The following ANKRD45 variants were observed in gnomAD, a reference collection of about 807,000 sequenced individuals.
The protein encoded by ANKRD45 is ankyrin repeat domain-containing protein 45.
A neutral mutation model predicts 28.1 loss-of-function variants in ANKRD45; 21 were observed. That is an observed-to-expected ratio of 0.75 (90% CI 0.53 to 1.08). ANKRD45 has a LOEUF of 1.08. ANKRD45 is among the 50% of genes least tolerant of loss of function. The probability of loss-of-function intolerance (pLI) is 0.00; values close to 1 mark genes in which losing one functional copy is unlikely to be tolerated. For synonymous variants in ANKRD45, 86 were observed against 103.9 expected (o/e 0.83, Z 1.05); for missense variants, 261 against 308.7 (o/e 0.85, Z 1.16).
chr1:173,686,915 G>C, the ANKRD45 span, among the ~76,000 whole-genome samples: 17 of 152,254 alleles, frequency 1.1e-4, no homozygotes, highest in African/African-American at 3.6e-4. Flanking sequence ...CTGACCAGAA[G>C]GTAAGATTTT....
At chr1:173,639,663 C>T (rs1239526736) in intron 3 of ANKRD45, among the ~76,000 whole-genome samples, 2 of 152,188 alleles carry the variant, frequency 1.3e-5, no homozygotes, top group Non-Finnish European at 2.9e-5. Flanking sequence ...AAAGAAATCA[C>T]CTCCAAGGGG....
chr1:173,617,053 G>C (rs1178464868), intron 5 of ANKRD45, among the ~76,000 whole-genome samples: 2 of 152,050 alleles, frequency 1.3e-5, no homozygotes, highest in African/African-American at 4.8e-5. Context: ...ACAGATCTTT[G>C]CAACCCACCG....
At chr1:173,632,940 A>G (rs955419108) in intron 3 of ANKRD45, among the ~76,000 whole-genome samples, 4 of 152,106 alleles carry the variant, frequency 2.6e-5, no homozygotes, top group African/African-American at 7.2e-5. Flanking sequence ...GATCTGGAAT[A>G]AGACAAGAAT....
At chr1:173,610,360 A>G (rs976114694) in intron 5 of ANKRD45, 145 bp from the exon 6 acceptor site, 3 of 717,582 alleles carry the variant, frequency 4.2e-6, no homozygotes, top group Non-Finnish European at 7.1e-6. Flanking sequence ...TGTTGTTGGT[A>G]TGTCATTCAA....
In ANKRD45 at chr1:173,613,568, C is replaced by A. The variant is rs9660039; in HGVS notation, c.731-3353G>T. On this transcript the variant is annotated intron_variant, in intron 5 of 5. Coordinates refer to ENST00000333279, the MANE Select transcript of ANKRD45 (RefSeq NM_198493.3). ...GGAGGGAGGTGGGGGGTCAGCCCCC[C>A]CCCCGGCCAGCCGCCCCGTCCGGGA... 1.1e-3 allele frequency among the ~76,000 whole-genome samples: 153 copies of A among 141,942 alleles called. 5 individuals carry two copies. Among genetic ancestry groups the A allele is most frequent in the African/African-American group, 1.3e-3 (43 of 33,734 alleles). 93.1% of individuals were successfully genotyped at this position (141,942 alleles called of 152,430 possible).
At chr1:173,674,942 T>C in the ANKRD45 span, among the ~76,000 whole-genome samples, 1 of 152,154 alleles carries the variant, frequency 6.6e-6, no homozygotes, top group Non-Finnish European at 1.5e-5. Flanking sequence ...ATGGCTAGGA[T>C]GGTTTATTCC....
chr1:173,615,706 A>G (rs1185775859), intron 5 of ANKRD45, among the ~76,000 whole-genome samples: 1 of 152,236 alleles, frequency 6.6e-6, no homozygotes, highest in Non-Finnish European at 1.5e-5. Context: ...CCAAAGAAAA[A>G]GGAAAACATG....
chr1:173,643,706 T>C (rs1017842436), intron 3 of ANKRD45, among the ~76,000 whole-genome samples: 2 of 152,090 alleles, frequency 1.3e-5, no homozygotes, highest in Non-Finnish European at 2.9e-5. Context: ...GAGATAGGCC[T>C]GAGACTGGGA....
At chr1:173,666,523 G>T (rs1670025465) in intron 1 of ANKRD45, among the ~76,000 whole-genome samples, 1 of 151,974 alleles carries the variant, frequency 6.6e-6, no homozygotes, top group South Asian at 2.1e-4. Flanking sequence ...GTTAAATCTA[G>T]ATTACTTATA....
intron 3 of ANKRD45, among the ~76,000 whole-genome samples, chr1:173,633,746 G>C (rs944871419): frequency 4.6e-5 from 7 of 151,954 alleles, no homozygotes; most frequent in African/African-American, 1.7e-4. Context: ...GGAAAGGACA[G>C]TCTCTTCAAT....
At chr1:173,616,293 A>T (rs1015167624) in intron 5 of ANKRD45, among the ~76,000 whole-genome samples, 1 of 152,088 alleles carries the variant, frequency 6.6e-6, no homozygotes, top group Non-Finnish European at 1.5e-5. Flanking sequence ...GCAGGTCCAG[A>T]GGGCAGCCAT....
the ANKRD45 span, among the ~76,000 whole-genome samples, chr1:173,676,697 C>T: frequency 1.3e-5 from 2 of 151,820 alleles, no homozygotes; most frequent in Admixed American, 6.6e-5. Context: ...CATAAAGATA[C>T]AATTGACAAG....
chr1:173,676,655 C>G, the ANKRD45 span, among the ~76,000 whole-genome samples: 11 of 151,934 alleles, frequency 7.2e-5, no homozygotes, highest in African/African-American at 2.7e-4. Context: ...AGACAACAAT[C>G]ATTCATGGAT....
At chr1:173,692,752 A>T in the ANKRD45 span, among the ~76,000 whole-genome samples, 1 of 152,232 alleles carries the variant, frequency 6.6e-6, no homozygotes, top group Admixed American at 6.5e-5. Context: ...AGTGAAAGTT[A>T]AGAAGTGGCA....
the ANKRD45 span, among the ~76,000 whole-genome samples, chr1:173,696,256 G>A: frequency 2.3e-3 from 345 of 152,242 alleles, no homozygotes; most frequent in Non-Finnish European, 3.2e-3. Context: ...AAGAACCGAC[G>A]TGAAATATTG....
rs1669680067 is a variant in ANKRD45, at chr1:173,659,278, A to G, written c.141T>C (p.Asp47=). 1 of 1,613,802 alleles carries G rather than the reference A, an allele frequency of 6.2e-7. No individual in the cohort carries two copies. The highest frequency in any genetic ancestry group is 1.7e-5 in the Admixed American group (1 of 59,932). ...CAAATATCTTCTGCAAACCCTCTAC[A>G]TCCCCTGTGAGAGCAGGTTGTAAAA... ...NPLLQPALTG[D]VEGLQKIFED... is the part of the protein sequence containing the mutation. Residue 47 remains aspartate (D), a synonymous_variant, in exon 2 of 6, where the codon GAT becomes GAC. Coordinates refer to ENST00000333279, the MANE Select transcript of ANKRD45 (RefSeq NM_198493.3).
At chr1:173,686,581 TA>T in the ANKRD45 span, among the ~76,000 whole-genome samples, 3 of 152,178 alleles carry the variant, frequency 2.0e-5, no homozygotes, top group African/African-American at 4.8e-5. Flanking sequence ...GTACCTGTGC[TA>T]AAAGACTTAG....
intron 3 of ANKRD45, among the ~76,000 whole-genome samples, chr1:173,628,517 A>ACACAGGGAGAGACTACTCCCT (rs2102329721): frequency 6.6e-6 from 1 of 152,256 alleles, no homozygotes; most frequent in African/African-American, 2.4e-5. Flanking sequence ...GGGCCTGGGC[A>ACACAGGGAGAGACTACTCCCT]GTGGTGGCCA....
the ANKRD45 span, among the ~76,000 whole-genome samples, chr1:173,702,586 C>G: frequency 6.6e-6 from 1 of 151,730 alleles, no homozygotes; most frequent in Non-Finnish European, 1.5e-5. Flanking sequence ...ACATAGAAGC[C>G]AAGGAAGAAG....
Sources: allele counts gnomAD v4.1 joint callset (sites outside exome capture counted in the v4.1 genomes callset), GRCh38; gene constraint gnomAD v4.1.1; transcripts MANE v1.5; gene names NCBI Gene and HGNC (gene_info 2026-07-23, HGNC 2026-07-21).